Variants in LDHD observed in about 807,000 individuals in gnomAD.
The protein encoded by LDHD is lactate dehydrogenase D, also known as D-lactate dehydrogenase, mitochondrial.
A neutral mutation model predicts 52.9 loss-of-function variants in LDHD; 58 were observed. That is an observed-to-expected ratio of 1.10 (90% CI 0.89 to 1.36). The LOEUF (loss-of-function observed/expected upper bound fraction) is 1.36, where lower values mean the gene tolerates loss of function less well. Ranked by LOEUF, LDHD falls within the 40% of genes most tolerant of loss-of-function variation. The pLI, the probability that LDHD is intolerant of heterozygous loss-of-function variation, is 0.00. For synonymous variants in LDHD, 350 were observed against 288.6 expected, an observed-to-expected ratio of 1.21 and a Z score of -2.16; for missense variants, 747 against 668.0, an observed-to-expected ratio of 1.12 and a Z score of -1.30.
intron 3 of LDHD, 112 bp from the exon 4 acceptor site, chr16:75,115,080 C>T: frequency 1.3e-6 from 2 of 1,538,548 alleles, no homozygotes; most frequent in Non-Finnish European, 1.8e-6. Context: ...CCCCCAGAGG[C>T]AGGCAGCCCA....
chr16:75,113,560 G>T lies in LDHD; in HGVS notation c.1061C>A (p.Ala354Asp), dbSNP rs1223648054. 1.2e-6 allele frequency: 2 copies of T among 1,612,354 alleles called. No individual in the cohort carries two copies. The highest frequency in any genetic ancestry group is 1.7e-6 in the Non-Finnish European group (2 of 1,179,552). ...CTTGCAGCCTGGCCGCGTGGCCAGG[G>T]CTGCGTACCAGGCATTGTGCCGTGC... is the stretch of plus-strand genomic sequence containing the variant. Reference protein sequence around the residue: ...WTARHNAWYAALATRPGCKGY... With the variant: ...WTARHNAWYADLATRPGCKGY... The change falls in exon 8 of 11, where the codon GCC becomes GAC. Residue 354 changes from alanine to aspartate, a missense_variant. By Grantham distance (126) the Ala-to-Asp change is moderately radical. Coordinates refer to ENST00000450168, the MANE Select transcript of LDHD (RefSeq NM_194436.3).
At chr16:75,112,761 G>A in intron 9 of LDHD, 48 bp from the exon 10 acceptor site, 2 of 1,597,638 alleles carry the variant, frequency 1.3e-6, no homozygotes, top group Non-Finnish European at 1.7e-6. Context: ...TCCTCCTCTT[G>A]CCTCCTGCTG....
Position 75,112,848 on chromosome 16 carries a change from G to A in LDHD, c.1163C>T (p.Ala388Val). 1 of 1,613,378 alleles carries A rather than the reference G, an allele frequency of 6.2e-7. No homozygotes were observed. Among genetic ancestry groups the A allele is most frequent in the South Asian group, 1.1e-5 (1 of 91,002 alleles). The change falls in exon 9 of 11, where the codon GCC becomes GTC. Residue 388 changes from alanine (A) to valine (V), a missense_variant. Transcript: ENST00000450168. The stretch of plus-strand genomic sequence containing the variant: ...GTGGGCAGAACCTGTGAGTCCTGAG[G>A]CATTCAGATCCTCCTTGGTCTGCAC... ...IVVQTKEDLN[A>V]SGLTGSIVGH...
intron 5 of LDHD, 146 bp from the exon 6 acceptor site, chr16:75,114,311 C>A: frequency 6.6e-7 from 1 of 1,504,954 alleles, no homozygotes; most frequent in Non-Finnish European, 8.9e-7. Context: ...TGGCCCAGTG[C>A]TTTCTGCTCC....
chr16:75,113,818 A>G lies in LDHD; in HGVS notation c.882T>C (p.Asn294=). 1 of 1,614,022 alleles carries G rather than the reference A, an allele frequency of 6.2e-7. No individual in the cohort carries two copies. Among genetic ancestry groups the G allele is most frequent in the Non-Finnish European group, 8.5e-7 (1 of 1,180,000 alleles). Reference sequence around the variant, plus strand: ...GGAAGAGTGTGGGCGCCACTAAGCAATTCAGCTTGCTGTACCTGTTGCAGG... The same window carrying G: ...GGAAGAGTGTGGGCGCCACTAAGCAGTTCAGCTTGCTGTACCTGTTGCAGG... The part of the protein sequence containing the change: ...MDACNRYSKL[N]CLVAPTLFLE... The change falls in exon 7 of 11, where the codon AAT becomes AAC. Residue 294 remains asparagine, a synonymous_variant. Coordinates refer to ENST00000450168, the MANE Select transcript of LDHD (RefSeq NM_194436.3).
At chr16:75,115,861 T>C (rs966790694) in intron 1 of LDHD, among the ~76,000 whole-genome samples, 2 of 152,192 alleles carry the variant, frequency 1.3e-5, no homozygotes, top group African/African-American at 2.4e-5. Flanking sequence ...AACAGAGCCA[T>C]TGGGGGTCAA....
In LDHD at chr16:75,116,775, T is replaced by C; in HGVS notation, c.-55A>G. ...CTGGGTGGCAGGGTGACCAGTCAGC[T>C]ACTGTGGCAGCAGCTACTGCTGCTG... On this transcript the variant is annotated 5_prime_UTR_variant, in exon 1 of 11. Coordinates refer to ENST00000450168, the MANE Select transcript of LDHD (RefSeq NM_194436.3). 1 of 1,240,508 alleles carries C rather than the reference T, an allele frequency of 8.1e-7. No individual in the cohort carries two copies. Among genetic ancestry groups the C allele is most frequent in the Non-Finnish European group, 1.1e-6 (1 of 893,648 alleles). The allele number at this position is 1,240,508 out of a possible 1,614,324, so 76.8% of individuals were successfully genotyped here.
chr16:75,115,678 A>C lies in LDHD; in HGVS notation c.73-18T>G. ...AGCTCTCCCTGCAGGGAAGAAACAC[A>C]CTGCCAGGGTCCCCCGAAAGACACA... On this transcript the variant is annotated intron_variant, in intron 1 of 10. Coordinates refer to ENST00000450168, the MANE Select transcript of LDHD (RefSeq NM_194436.3). The C allele has an allele frequency of 1.4e-6, 2 of 1,473,892 alleles. No individual in the cohort carries two copies. The highest frequency in any genetic ancestry group is 1.9e-6 in the Non-Finnish European group (2 of 1,067,786). The allele number at this position is 1,473,892 out of a possible 1,614,324, so 91.3% of individuals were successfully genotyped here. A position where few individuals can be genotyped will look rare whatever the true frequency, so the allele number is the denominator to read the frequency against.
In LDHD at chr16:75,113,736, G is replaced by A. The variant is rs1284555572; in HGVS notation, c.958+6C>T. ...CACCCTGCTGCCCCACTCCACCCCA[G>A]CATACCTGTGCGCTGCAGCTGCTCC... On this transcript the variant is annotated splice_donor_region_variant and intron_variant, in intron 7 of 10. Coordinates refer to ENST00000450168, the MANE Select transcript of LDHD (RefSeq NM_194436.3). 7 of 1,613,404 alleles carry A rather than the reference G, an allele frequency of 4.3e-6. No homozygotes were observed. Among genetic ancestry groups the A allele is most frequent in the Non-Finnish European group, 5.9e-6 (7 of 1,179,918 alleles).
At chr16:75,114,431 C>T in intron 5 of LDHD, 95 bp downstream of exon 5, 1 of 1,377,618 alleles carries the variant, frequency 7.3e-7, no homozygotes, top group Non-Finnish European at 9.6e-7. Context: ...AACCAGGGGG[C>T]CGCCAGGAGG....
chr16:75,114,472 GCCCGCCAGCAGTGC>G, intron 5 of LDHD, 40 bp downstream of exon 5: 9 of 1,444,558 alleles, frequency 6.2e-6, no homozygotes, highest in Non-Finnish European at 8.2e-6. Context: ...CTGCAGGGCA[GCCCGCCAGCAGTGC>G]CCAGGGCCAG....
intron 8 of LDHD, among the ~76,000 whole-genome samples, chr16:75,113,162 T>A (rs1312007727): frequency 6.6e-6 from 1 of 152,158 alleles, no homozygotes; most frequent in Non-Finnish European, 1.5e-5. Context: ...AGCCCCAGGC[T>A]GCTGAGCCTT....
At chr16:75,114,199 G>A (rs1431199787) in intron 5 of LDHD, 34 bp from the exon 6 acceptor site, 4 of 1,607,316 alleles carry the variant, frequency 2.5e-6, no homozygotes, top group East Asian at 4.5e-5. Flanking sequence ...TGAGTACCAG[G>A]CTGTGTGATG....
At chr16:75,116,255 C>A (rs2036553878) in intron 1 of LDHD, among the ~76,000 whole-genome samples, 1 of 152,170 alleles carries the variant, frequency 6.6e-6, no homozygotes, top group Admixed American at 6.5e-5. Flanking sequence ...CTCTACGTTG[C>A]CTGGGGCTTC....
chr16:75,112,488 C>A lies in LDHD; in HGVS notation c.1323G>T (p.Gly441=). ...RALALHGTCT[G]EHGIGMGKRQ... is the part of the protein sequence containing the mutation. ...GCTTGCCCATTCCGATGCCATGCTCCCCCGTGCACGTTCCGTGGAGAGCCA... is the reference window on the plus strand; with the variant it reads ...GCTTGCCCATTCCGATGCCATGCTCACCCGTGCACGTTCCGTGGAGAGCCA... Residue 441 remains glycine (G), a synonymous_variant, in exon 11 of 11, where the codon GGG becomes GGT. Coordinates refer to ENST00000450168, the MANE Select transcript of LDHD (RefSeq NM_194436.3). 3 of 1,613,422 alleles carry A rather than the reference C, an allele frequency of 1.9e-6. No homozygotes were observed. The highest frequency in any genetic ancestry group is 2.5e-6 in the Non-Finnish European group (3 of 1,179,982).
At position 75,113,565 on chromosome 16, in the gene LDHD, G is replaced by C. The variant is rs144493844; in HGVS notation, c.1056C>G (p.Tyr352Ter). The change falls in exon 8 of 11, where the codon TAC (tyrosine) becomes TAG (stop). Residue 352 changes from tyrosine to a stop codon, truncating the protein, a stop_gained. Transcript: ENST00000450168. LOFTEE classifies it high-confidence loss of function. ...RLWTARHNAW[Y>*]AALATRPGCK... is the part of the protein sequence containing the mutation. ...AGCCTGGCCGCGTGGCCAGGGCTGC[G>C]TACCAGGCATTGTGCCGTGCTGTCC... is the stretch of plus-strand genomic sequence containing the variant. The C allele has an allele frequency of 6.2e-7, 1 of 1,612,744 alleles. No individual in the cohort carries two copies. Among genetic ancestry groups the C allele is most frequent in the Non-Finnish European group, 8.5e-7 (1 of 1,179,786 alleles).
At chr16:75,114,490 G>A in intron 5 of LDHD, 36 bp downstream of exon 5, 1 of 1,471,478 alleles carries the variant, frequency 6.8e-7, no homozygotes, top group Non-Finnish European at 9.0e-7. Flanking sequence ...GCAGTGCCCA[G>A]GGCCAGAGCC....
intron 3 of LDHD, 101 bp downstream of exon 3, chr16:75,115,097 G>T: frequency 1.3e-6 from 2 of 1,546,012 alleles, no homozygotes. Flanking sequence ...CCCACGGGCG[G>T]GAGCAGACCC....
chr16:75,112,443 C>G lies in LDHD; in HGVS notation c.1368G>C (p.Glu456Asp), dbSNP rs2036415981. ...TGGTCTCCACGCCCACGGCGCCCACCTCCTCCTGCAGCAGCTGCCGCTTGC... is the reference window on the plus strand; with the variant it reads ...TGGTCTCCACGCCCACGGCGCCCACGTCCTCCTGCAGCAGCTGCCGCTTGC... ...GMGKRQLLQEEVGAVGVETMR... is the reference protein window; with the variant it reads ...GMGKRQLLQEDVGAVGVETMR... Residue 456 changes from glutamate (E) to aspartate (D), a missense_variant, in exon 11 of 11, where the codon GAG (glutamate) becomes GAC (aspartate). Coordinates refer to ENST00000450168, the MANE Select transcript of LDHD (RefSeq NM_194436.3). The G allele has an allele frequency of 6.2e-7, 1 of 1,613,336 alleles. No individual in the cohort carries two copies. The highest frequency in any genetic ancestry group is 1.1e-5 in the South Asian group (1 of 91,084).
Sources: allele counts gnomAD v4.1 joint callset (sites outside exome capture counted in the v4.1 genomes callset), GRCh38; gene constraint gnomAD v4.1.1; transcripts MANE v1.5; gene names NCBI Gene and HGNC (gene_info 2026-07-23, HGNC 2026-07-21).